The following IRAK1BP1 variants were observed in gnomAD, a reference collection of about 807,000 sequenced individuals.
IRAK1BP1 encodes the protein interleukin 1 receptor associated kinase 1 binding protein 1.
A neutral mutation model predicts 28.0 loss-of-function variants in IRAK1BP1; 24 were observed. The ratio of observed to expected loss-of-function variants is 0.86; its 90% CI spans 0.62 to 1.20. The LOEUF is 1.20. IRAK1BP1 is among the 50% of genes most tolerant of loss of function. The probability of loss-of-function intolerance (pLI) is 0.00; values close to 1 mark genes in which losing one functional copy is unlikely to be tolerated. For synonymous variants in IRAK1BP1, 131 were observed against 116.3 expected, an observed-to-expected ratio of 1.13 and a Z score of -0.81; for missense variants, 336 against 316.7, an observed-to-expected ratio of 1.06 and a Z score of -0.46.
At chr6:78,933,727 G>A (rs945501703) in intron 4 of IRAK1BP1, among the ~76,000 whole-genome samples, 1 of 148,162 alleles carries the variant, frequency 6.7e-6, no homozygotes, top group Non-Finnish European at 1.5e-5. Flanking sequence ...GAATTGAAGA[G>A]CTTTAATGCC....
chr6:78,884,193 T>C (rs1771332319), intron 1 of IRAK1BP1, among the ~76,000 whole-genome samples: 1 of 152,206 alleles, frequency 6.6e-6, no homozygotes, highest in African/African-American at 2.4e-5. Context: ...GTTAAAACTT[T>C]TAAGAATTTT....
At chr6:78,868,051 C>T (rs1770651616) in intron 1 of IRAK1BP1, among the ~76,000 whole-genome samples, 160 bp downstream of exon 1, 1 of 152,212 alleles carries the variant, frequency 6.6e-6, no homozygotes, top group African/African-American at 2.4e-5. Flanking sequence ...CAGGACCTGG[C>T]AGAGTGAATA....
exon 5 of IRAK1BP1, chr6:78,946,097 C>A (rs746101525): frequency 6.2e-7 from 1 of 1,613,844 alleles, no homozygotes; most frequent in Non-Finnish European, 8.5e-7. Flanking sequence ...GGATCTACAA[C>A]CACTCGGTTG....
At chr6:78,957,386 A>G in the IRAK1BP1 span, 3 of 152,086 alleles carry the variant, frequency 2.0e-5, no homozygotes, top group Admixed American at 1.3e-4. Flanking sequence ...CATAGCAATA[A>G]TAGCCCCCAA....
At chr6:78,916,113 G>A (rs555152305) in intron 4 of IRAK1BP1, among the ~76,000 whole-genome samples, 12 of 152,306 alleles carry the variant, frequency 7.9e-5, no homozygotes, top group African/African-American at 2.4e-4. Context: ...ACCCTCTAGA[G>A]GTTTCCATTG....
At chr6:78,959,648 G>A in the IRAK1BP1 span, among the ~76,000 whole-genome samples, 1 of 152,014 alleles carries the variant, frequency 6.6e-6, no homozygotes, top group Admixed American at 6.6e-5. Context: ...CATAACTTAG[G>A]TTTATAACAG....
At chr6:78,893,817 C>A (rs560326057) in intron 2 of IRAK1BP1, among the ~76,000 whole-genome samples, 1 of 151,972 alleles carries the variant, frequency 6.6e-6, no homozygotes, top group Non-Finnish European at 1.5e-5. Context: ...GCAGGAGAAT[C>A]GCTTGAACTC....
chr6:78,936,978 AGT>A (rs1477549315), intron 4 of IRAK1BP1: 4 of 151,846 alleles, frequency 2.6e-5, no homozygotes, highest in African/African-American at 9.7e-5. Context: ...TTCTTGCCTA[AGT>A]GTAACAAAAC....
intron 2 of IRAK1BP1, among the ~76,000 whole-genome samples, chr6:78,890,793 A>G (rs12192086): frequency 0.26 from 40,123 of 152,138 alleles, 5,625 homozygotes; most frequent in Non-Finnish European, 0.3. Flanking sequence ...CCAAAAAACA[A>G]TGAAGGAGAC....
At chr6:78,960,003 T>C in the IRAK1BP1 span, among the ~76,000 whole-genome samples, 1 of 152,170 alleles carries the variant, frequency 6.6e-6, no homozygotes, top group South Asian at 2.1e-4. Flanking sequence ...CTGTACAGTA[T>C]TGGTTTAACC....
the IRAK1BP1 span, chr6:78,963,021 G>A: frequency 7.3e-7 from 1 of 1,373,510 alleles, no homozygotes; most frequent in South Asian, 1.6e-5. Flanking sequence ...AAAAATTTTT[G>A]TTGGAGAATA....
At chr6:78,974,448 A>G in the IRAK1BP1 span, among the ~76,000 whole-genome samples, 2 of 151,856 alleles carry the variant, frequency 1.3e-5, no homozygotes, top group Admixed American at 6.6e-5. Context: ...TTGACACCCT[A>G]ACATCACAAT....
chr6:78,970,953 CAGCTGAAATTGCAAAGA>C, the IRAK1BP1 span: 2 of 1,061,442 alleles, frequency 1.9e-6, no homozygotes, highest in Non-Finnish European at 2.8e-6. Context: ...TACAGGGTAT[CAGCTGAAATTGCAAAGA>C]GAAAATCTAA....
At chr6:78,945,852 CTT>C in exon 5 of IRAK1BP1, 1 of 660,154 alleles carries the variant, frequency 1.5e-6, no homozygotes, top group Non-Finnish European at 2.6e-6. Context: ...TTATTAAAAA[CTT>C]TTTTTTAAAA....
In IRAK1BP1 at chr6:78,897,829, G is replaced by A; in HGVS notation, c.382G>A (p.Val128Ile). ...TAATATCGTGTCATTTCATTTACAG[G>A]TCTGCATTACATTTACTGAATTTGG... ...VENAYHMEAE[V>I]CITFTEFGKM... Residue 128 changes from valine (V) to isoleucine (I), a missense_variant and splice_region_variant, in exon 3 of 4, where the codon GTC (valine) becomes ATC (isoleucine). Coordinates refer to ENST00000369940, the MANE Select transcript of IRAK1BP1 (RefSeq NM_001010844.4). 1 of 1,611,168 alleles carries A rather than the reference G, an allele frequency of 6.2e-7. No individual in the cohort carries two copies. The highest frequency in any genetic ancestry group is 8.5e-7 in the Non-Finnish European group (1 of 1,178,388).
chr6:78,975,353 A>C, the IRAK1BP1 span, among the ~76,000 whole-genome samples: 1 of 152,244 alleles, frequency 6.6e-6, no homozygotes, highest in Non-Finnish European at 1.5e-5. Flanking sequence ...TCAATAAATT[A>C]GGTATTGATG....
chr6:78,941,290 T>C (rs1773487695), intron 4 of IRAK1BP1: 1 of 1,613,452 alleles, frequency 6.2e-7, no homozygotes, highest in African/African-American at 1.3e-5. Context: ...GGCCATTTAC[T>C]TGAATGGTTC....
intron 4 of IRAK1BP1, among the ~76,000 whole-genome samples, chr6:78,917,630 A>C (rs1283046477): frequency 7.9e-6 from 1 of 127,192 alleles, no homozygotes; most frequent in East Asian, 2.6e-4. Flanking sequence ...CAAAGTCAAC[A>C]CTAAAAAAAA....
chr6:78,915,752 C>T, intron 4 of IRAK1BP1, among the ~76,000 whole-genome samples: 1 of 152,340 alleles, frequency 6.6e-6, no homozygotes, highest in Admixed American at 6.5e-5. Context: ...CCCAGCCTTT[C>T]CTGGCTCCCT....
Sources: allele counts gnomAD v4.1 joint callset (sites outside exome capture counted in the v4.1 genomes callset), GRCh38; gene constraint gnomAD v4.1.1; transcripts MANE v1.5; gene names NCBI Gene and HGNC (gene_info 2026-07-23, HGNC 2026-07-21).